CSMD1: variants seen among roughly 807,000 people sequenced by gnomAD.
The protein encoded by CSMD1 is CUB and sushi domain-containing protein 1.
A neutral mutation model predicts 417.5 loss-of-function variants in CSMD1; 213 were observed. That is an observed-to-expected ratio of 0.51 (90% CI 0.46 to 0.57). CSMD1 has a LOEUF of 0.57. Ranked by LOEUF, CSMD1 falls within the 20% of genes least tolerant of loss-of-function variation. CSMD1 has a pLI of 0.00. For missense variants in CSMD1, 6,923 were observed against 4,529.7 expected (o/e 1.53, Z -15.17); for synonymous variants, 2,862 against 1,736.8 (o/e 1.65, Z -16.11).
intron 7 of CSMD1, among the ~76,000 whole-genome samples, chr8:3,675,459 G>A (rs938586728): frequency 6.6e-6 from 1 of 152,180 alleles, no homozygotes; most frequent in African/African-American, 2.4e-5. Flanking sequence ...TCCAAGAGAA[G>A]GTGATTGCAA....
chr8:2,938,971 T>C lies in CSMD1; in HGVS notation c.10536-227A>G, dbSNP rs140961723. 7.9e-4 allele frequency among the ~76,000 whole-genome samples: 120 copies of C among 152,290 alleles called. 2 individuals are homozygous for C. The highest frequency in any genetic ancestry group is 2.8e-3 in the African/African-American group (115 of 41,562). On this transcript the variant is annotated intron_variant, in intron 69 of 69. Transcript: ENST00000635120. ...AAGTGAATCGATTTCAAAAATTAAA[T>C]AAAATTTTTTTGAGACAGGGTCTCA...
chr8:3,544,641 T>G (rs957952848), intron 10 of CSMD1, among the ~76,000 whole-genome samples: 2 of 152,114 alleles, frequency 1.3e-5, no homozygotes, highest in African/African-American at 4.8e-5. Context: ...GACCGTCCAA[T>G]CTGACAGCTT....
At chr8:4,841,933 A>C (rs1269197715) in intron 1 of CSMD1, among the ~76,000 whole-genome samples, 1 of 145,488 alleles carries the variant, frequency 6.9e-6, no homozygotes, top group African/African-American at 2.5e-5. Context: ...AAAAAAAAAA[A>C]AAAAAGTTCA....
At chr8:4,647,406 A>G (rs1263897458) in intron 1 of CSMD1, among the ~76,000 whole-genome samples, 1 of 151,232 alleles carries the variant, frequency 6.6e-6, no homozygotes, top group East Asian at 1.9e-4. Context: ...TCTGTTAGGT[A>G]GGTACGCGTG....
chr8:4,296,788 A>G (rs190375866), intron 3 of CSMD1, among the ~76,000 whole-genome samples: 28 of 145,860 alleles, frequency 1.9e-4, no homozygotes, highest in African/African-American at 7.0e-4. Flanking sequence ...TATGCTGGTG[A>G]AAATGAATAG....
At chr8:3,415,665 T>C (rs1036907528) in intron 12 of CSMD1, among the ~76,000 whole-genome samples, 8 of 152,198 alleles carry the variant, frequency 5.3e-5, no homozygotes, top group African/African-American at 4.8e-5. Context: ...TGGCCTTGTA[T>C]GTCACATTTA....
intron 52 of CSMD1, 33 bp downstream of exon 52, chr8:3,018,440 CTGCA>C (rs1563242859): frequency 6.3e-7 from 1 of 1,591,272 alleles, no homozygotes; most frequent in Non-Finnish European, 8.6e-7. Flanking sequence ...TAAGGTTTAT[CTGCA>C]TTAAGTAAGT....
intron 3 of CSMD1, among the ~76,000 whole-genome samples, chr8:4,287,678 T>TATTATTATA: frequency 6.7e-6 from 1 of 149,872 alleles, no homozygotes; most frequent in African/African-American, 2.4e-5. Context: ...TTATTATTAT[T>TATTATTATA]ATTATTACTA....
intron 5 of CSMD1, among the ~76,000 whole-genome samples, chr8:3,933,546 A>C (rs769659314): frequency 2.6e-5 from 4 of 152,192 alleles, no homozygotes; most frequent in African/African-American, 4.8e-5. Flanking sequence ...GAAAGAGATG[A>C]GAGTCCTGGC....
At chr8:4,155,787 A>G (rs192948549) in intron 3 of CSMD1, among the ~76,000 whole-genome samples, 29 of 152,292 alleles carry the variant, frequency 1.9e-4, no homozygotes, top group African/African-American at 6.3e-4. Context: ...TTTGTGTATT[A>G]AGAGCCACAA....
intron 3 of CSMD1, among the ~76,000 whole-genome samples, chr8:4,402,887 T>A (rs1263681560): frequency 7.1e-6 from 1 of 140,676 alleles, no homozygotes; most frequent in African/African-American, 2.7e-5. Flanking sequence ...CGGCGCAATC[T>A]GGGCTCACTG....
chr8:4,062,120 C>T (rs897141405), intron 3 of CSMD1, among the ~76,000 whole-genome samples: 4 of 152,042 alleles, frequency 2.6e-5, no homozygotes. Context: ...GGAGGGTCAG[C>T]AGAGGGTCAG....
At chr8:4,081,705 A>G (rs1800143333) in intron 3 of CSMD1, among the ~76,000 whole-genome samples, 1 of 152,218 alleles carries the variant, frequency 6.6e-6, no homozygotes, top group African/African-American at 2.4e-5. Context: ...TAAATTCTAA[A>G]AAGTATTTTC....
At chr8:4,473,865 T>C (rs1442819269) in intron 2 of CSMD1, among the ~76,000 whole-genome samples, 2 of 152,124 alleles carry the variant, frequency 1.3e-5, no homozygotes, top group East Asian at 3.9e-4. Context: ...TATATAAGAA[T>C]TTAATATATG....
chr8:3,764,971 C>T (rs934194738), intron 5 of CSMD1, among the ~76,000 whole-genome samples: 2 of 152,014 alleles, frequency 1.3e-5, no homozygotes, highest in Non-Finnish European at 2.9e-5. Context: ...TCTCGAACTC[C>T]TGACCTCAGG....
chr8:4,478,352 G>C (rs1327404142), intron 2 of CSMD1, among the ~76,000 whole-genome samples: 2 of 152,116 alleles, frequency 1.3e-5, no homozygotes, highest in South Asian at 2.1e-4. Context: ...CATCTTCTAA[G>C]CTCTGGGAAA....
intron 3 of CSMD1, among the ~76,000 whole-genome samples, chr8:4,274,711 A>G (rs946046142): frequency 1.3e-5 from 2 of 152,194 alleles, no homozygotes; most frequent in African/African-American, 4.8e-5. Flanking sequence ...CAAAGTCAAC[A>G]TAATACATAG....
chr8:4,448,767 T>A (rs1221327144), intron 2 of CSMD1, among the ~76,000 whole-genome samples: 1 of 152,170 alleles, frequency 6.6e-6, no homozygotes, highest in African/African-American at 2.4e-5. Context: ...ACAACCATAT[T>A]TAAGGCTTTA....
chr8:4,461,061 T>G (rs573234580), intron 2 of CSMD1, among the ~76,000 whole-genome samples: 1 of 152,248 alleles, frequency 6.6e-6, no homozygotes, highest in East Asian at 1.9e-4. Flanking sequence ...CATTATATAC[T>G]GTGTCCAAGT....
Sources: allele counts gnomAD v4.1 joint callset (sites outside exome capture counted in the v4.1 genomes callset), GRCh38; gene constraint gnomAD v4.1.1; transcripts MANE v1.5; gene names NCBI Gene and HGNC (gene_info 2026-07-23, HGNC 2026-07-21).